Variants in MACROD2 observed in about 807,000 individuals in gnomAD.
MACROD2 encodes the protein mono-ADP ribosylhydrolase 2.
A neutral mutation model predicts 70.4 loss-of-function variants in MACROD2; 36 were observed. The ratio of observed to expected loss-of-function variants is 0.51; its 90% CI spans 0.39 to 0.68. The LOEUF (loss-of-function observed/expected upper bound fraction) is 0.68. MACROD2 is among the 30% of genes least tolerant of loss of function. The probability of loss-of-function intolerance (pLI) is 0.00; values close to 1 mark genes in which losing one functional copy is unlikely to be tolerated. For missense variants in MACROD2, 496 were observed against 538.4 expected, an observed-to-expected ratio of 0.92 and a Z score of 0.78; for synonymous variants, 172 against 178.8, an observed-to-expected ratio of 0.96 and a Z score of 0.30.
intron 12 of MACROD2, among the ~76,000 whole-genome samples, chr20:15,954,011 G>A (rs541833909): frequency 5.3e-5 from 8 of 152,238 alleles, no homozygotes; most frequent in African/African-American, 1.2e-4. Flanking sequence ...TAAACAGATA[G>A]CTGGCTTTAA....
chr20:14,299,194 A>G (rs116805057), intron 3 of MACROD2, among the ~76,000 whole-genome samples: 2,935 of 152,224 alleles, frequency 0.019, 94 homozygotes, highest in African/African-American at 0.067. Flanking sequence ...ATTTTAAGAA[A>G]TTGCCACAGC....
chr20:15,150,450 G>A (rs374783537), intron 5 of MACROD2, among the ~76,000 whole-genome samples: 30 of 152,102 alleles, frequency 2.0e-4, no homozygotes, highest in African/African-American at 5.6e-4. Flanking sequence ...AGACTTGTCC[G>A]GTTTTTGGAC....
At chr20:15,662,047 C>G (rs1246871985) in intron 8 of MACROD2, among the ~76,000 whole-genome samples, 1 of 152,204 alleles carries the variant, frequency 6.6e-6, no homozygotes, top group Non-Finnish European at 1.5e-5. Flanking sequence ...TAACTTCCCA[C>G]TCTTTACCCA....
chr20:15,725,356 T>C (rs928714103), intron 8 of MACROD2, among the ~76,000 whole-genome samples: 3 of 138,714 alleles, frequency 2.2e-5, no homozygotes, highest in African/African-American at 2.6e-5. Flanking sequence ...GTATGAACGG[T>C]AATGTGTTTT....
intron 5 of MACROD2, among the ~76,000 whole-genome samples, chr20:14,963,078 T>TA (rs930547932): frequency 6.6e-6 from 1 of 152,128 alleles, no homozygotes; most frequent in African/African-American, 2.4e-5. Context: ...AGAAATAAAA[T>TA]AAAAAAACTG....
In MACROD2 at chr20:15,410,882, C is replaced by A. The variant is rs75425526; in HGVS notation, c.541-20523C>A. Among the ~76,000 whole-genome samples the A allele has an allele frequency of 6.8e-3, 1,038 of 152,260 alleles. 9 individuals are homozygous for A. The highest frequency in any genetic ancestry group is 0.012 in the Non-Finnish European group (810 of 68,022). ...TGAGACCAGACAGAGCTCTGGACCT[C>A]GGCTTGGCTCCCAAGATCTTATTGC... On this transcript the variant is annotated intron_variant, in intron 6 of 17. Transcript: ENST00000684519.
chr20:14,683,401 A>T (rs935789539), intron 4 of MACROD2, among the ~76,000 whole-genome samples: 2 of 152,174 alleles, frequency 1.3e-5, no homozygotes, highest in African/African-American at 4.8e-5. Flanking sequence ...CAGTGCTTGG[A>T]GCATGCCATA....
intron 5 of MACROD2, among the ~76,000 whole-genome samples, chr20:14,820,021 T>C (rs1180852636): frequency 6.6e-6 from 1 of 152,050 alleles, no homozygotes; most frequent in Non-Finnish European, 1.5e-5. Flanking sequence ...TCCTAAGTAA[T>C]TCTGATGATC....
intron 5 of MACROD2, among the ~76,000 whole-genome samples, chr20:14,785,679 T>G (rs2072361254): frequency 6.6e-6 from 1 of 152,108 alleles, no homozygotes; most frequent in African/African-American, 2.4e-5. Context: ...TAGTATTATT[T>G]TTGCTTCTTA....
At chr20:14,238,564 A>C (rs1433802955) in intron 3 of MACROD2, among the ~76,000 whole-genome samples, 2 of 152,230 alleles carry the variant, frequency 1.3e-5, no homozygotes, top group Non-Finnish European at 2.9e-5. Flanking sequence ...CAGAACAGTC[A>C]GGCAAGAGAA....
chr20:14,955,474 T>C (rs898467985), intron 5 of MACROD2, among the ~76,000 whole-genome samples: 1 of 151,598 alleles, frequency 6.6e-6, no homozygotes, highest in Non-Finnish European at 1.5e-5. Flanking sequence ...TGTTATCGTA[T>C]ATTGCGATAT....
intron 3 of MACROD2, among the ~76,000 whole-genome samples, chr20:14,243,914 A>G (rs2081948581): frequency 6.6e-6 from 1 of 152,210 alleles, no homozygotes; most frequent in Non-Finnish European, 1.5e-5. Context: ...CTATCACAGC[A>G]TATGCTAGAC....
intron 3 of MACROD2, among the ~76,000 whole-genome samples, chr20:14,483,494 C>T (rs915056134): frequency 1.3e-5 from 2 of 152,096 alleles, no homozygotes; most frequent in African/African-American, 4.8e-5. Context: ...GCAACCTCCA[C>T]CTCCCAGGTT....
At chr20:14,000,304 CCT>C (rs2052715998) in intron 1 of MACROD2, among the ~76,000 whole-genome samples, 1 of 152,072 alleles carries the variant, frequency 6.6e-6, no homozygotes, top group Non-Finnish European at 1.5e-5. Context: ...GAATATGTCA[CCT>C]CTGATTAAGA....
intron 4 of MACROD2, chr20:14,628,887 A>C (rs1390388770): frequency 6.6e-6 from 1 of 152,204 alleles, no homozygotes; most frequent in African/African-American, 2.4e-5. Flanking sequence ...AAGATAAATA[A>C]TCTAAGTTTC....
At chr20:14,369,543 G>A (rs2083303643) in intron 3 of MACROD2, among the ~76,000 whole-genome samples, 1 of 152,112 alleles carries the variant, frequency 6.6e-6, no homozygotes. Context: ...TGTTAGAGTT[G>A]ATTCTGACAC....
intron 8 of MACROD2, among the ~76,000 whole-genome samples, chr20:15,661,080 G>T (rs991399063): frequency 6.6e-6 from 1 of 151,992 alleles, no homozygotes; most frequent in African/African-American, 2.4e-5. Flanking sequence ...TGTTTTCAAG[G>T]GTTTAAACCA....
intron 8 of MACROD2, among the ~76,000 whole-genome samples, chr20:15,682,161 T>C (rs1158519996): frequency 6.6e-6 from 1 of 152,156 alleles, no homozygotes; most frequent in Non-Finnish European, 1.5e-5. Flanking sequence ...GAGGGTATGA[T>C]TTATCAGGGC....
chr20:14,050,436 A>C (rs1052857241), intron 2 of MACROD2, among the ~76,000 whole-genome samples: 1 of 152,170 alleles, frequency 6.6e-6, no homozygotes, highest in Non-Finnish European at 1.5e-5. Flanking sequence ...ATGCTGCTTG[A>C]TATGTTTTGC....
Sources: gnomAD v4.1 joint callset for allele counts (sites outside exome capture counted in the v4.1 genomes callset) on GRCh38, gnomAD v4.1.1 for gene constraint, MANE v1.5 for transcripts, NCBI Gene and HGNC (gene_info 2026-07-23, HGNC 2026-07-21) for gene names.